Variants in FGFR2 observed in about 807,000 individuals in gnomAD.
The protein encoded by FGFR2 is BEK fibroblast growth factor receptor.
FGFR2 carries 19 observed loss-of-function variants against 95.9 expected under a neutral mutation model. That is an observed-to-expected ratio of 0.20 (90% CI 0.14 to 0.29). FGFR2 has a LOEUF of 0.29. FGFR2 is among the 10% of genes least tolerant of loss of function. The pLI, the probability that FGFR2 is intolerant of heterozygous loss-of-function variation, is 1.00. For missense variants in FGFR2, 707 were observed against 1,056.9 expected (o/e 0.67, Z 4.59); for synonymous variants, 392 against 393.3 (o/e 1.00, Z 0.04).
chr10:121,531,993 C>A lies in FGFR2; in HGVS notation c.748+6599G>T, dbSNP rs767775770. ...CTGTGACCCATTACCTGGCACGCCA[C>A]CCCAATCCCTTCTCAACAGAGGGGC... is the stretch of plus-strand genomic sequence containing the variant. On this transcript the variant is annotated intron_variant, in intron 6 of 17. Transcript: ENST00000358487. The surrounding 1 kb of genome is among the most constrained non-coding windows in gnomAD (Gnocchi z 4.5). Among the ~76,000 whole-genome samples the A allele has an allele frequency of 6.6e-6, 1 of 152,352 alleles. No individual in the cohort carries two copies. Among genetic ancestry groups the A allele is most frequent in the African/African-American group, 2.4e-5 (1 of 41,588 alleles).
At chr10:121,543,928 A>C (rs1359142687) in intron 5 of FGFR2, among the ~76,000 whole-genome samples, 1 of 152,162 alleles carries the variant, frequency 6.6e-6, no homozygotes, top group African/African-American at 2.4e-5. Flanking sequence ...CAGGACATCC[A>C]CCGCCTGTTG....
At chr10:121,519,727 T>G (rs138649930) in intron 7 of FGFR2, among the ~76,000 whole-genome samples, 1 of 152,358 alleles carries the variant, frequency 6.6e-6, no homozygotes, top group African/African-American at 2.4e-5. Flanking sequence ...GGCTGATAAA[T>G]AGCTGAACTA....
intron 9 of FGFR2, among the ~76,000 whole-genome samples, chr10:121,505,382 T>A (rs1182489756): frequency 6.6e-6 from 1 of 152,240 alleles, no homozygotes. Flanking sequence ...ACATGAGCAC[T>A]TCCTGAGCCT....
upstream of FGFR2, chr10:121,598,449 A>AGCCGCCGCCCGCGCCGCC (rs1554871807): frequency 1.4e-4 from 23 of 159,720 alleles, no homozygotes; most frequent in Admixed American, 9.9e-4. Flanking sequence ...GCTCTCCTCC[A>AGCCGCCGCCCGCGCCGCC]GCCGCCGCCC....
chr10:121,513,120 C>T (rs1030455682), intron 9 of FGFR2, among the ~76,000 whole-genome samples: 20 of 152,278 alleles, frequency 1.3e-4, no homozygotes, highest in South Asian at 4.1e-4. Context: ...GTGATCCACG[C>T]GCCTCAGCCT....
intron 2 of FGFR2, among the ~76,000 whole-genome samples, chr10:121,582,000 T>C (rs1861003900): frequency 6.6e-6 from 1 of 151,960 alleles, no homozygotes; most frequent in Admixed American, 6.5e-5. Flanking sequence ...TGGCGTGATC[T>C]CAGCTTACTG....
intron 2 of FGFR2, among the ~76,000 whole-genome samples, chr10:121,570,701 C>T (rs1474713616): frequency 6.6e-6 from 1 of 152,222 alleles, no homozygotes; most frequent in Non-Finnish European, 1.5e-5. Flanking sequence ...GAGGCTTCCA[C>T]AGACAGAGAA....
chr10:121,492,502 A>G (rs1168360563), intron 13 of FGFR2, among the ~76,000 whole-genome samples: 1 of 152,156 alleles, frequency 6.6e-6, no homozygotes, highest in Non-Finnish European at 1.5e-5. Context: ...GCACAGATGA[A>G]CCCAGTACAT....
rs972825163 is a variant in FGFR2 at position 121,517,802 on chromosome 10, C to A, written c.940-339G>T. Among the ~76,000 whole-genome samples, 3 of 152,074 alleles carry A rather than the reference C, an allele frequency of 2.0e-5. No individual in the cohort carries two copies. Among genetic ancestry groups the A allele is most frequent in the African/African-American group, 7.2e-5 (3 of 41,394 alleles). On this transcript the variant is annotated intron_variant, in intron 7 of 17. Coordinates refer to ENST00000358487, the MANE Select transcript of FGFR2 (RefSeq NM_000141.5). The surrounding 1 kb of genome is among the most constrained non-coding windows in gnomAD (Gnocchi z 4.7). ...AAAGTATGGTGCCCAGAAGGCCAAG[C>A]TGGTTCTGGTCCTGTTGGCTGCAGA...
At chr10:121,524,942 C>G (rs1851155755) in intron 6 of FGFR2, among the ~76,000 whole-genome samples, 1 of 152,204 alleles carries the variant, frequency 6.6e-6, no homozygotes, top group Non-Finnish European at 1.5e-5. Flanking sequence ...GAGACTAAAG[C>G]CCAGTGCTAG....
chr10:121,490,104 G>A (rs1352576391), intron 13 of FGFR2, among the ~76,000 whole-genome samples: 2 of 148,948 alleles, frequency 1.3e-5, no homozygotes, highest in Non-Finnish European at 3.0e-5. Flanking sequence ...TTATTGTCTT[G>A]ACACTAACTC....
At chr10:121,538,823 A>G in intron 5 of FGFR2, 108 bp from the exon 6 acceptor site, 1 of 1,392,720 alleles carries the variant, frequency 7.2e-7, no homozygotes, top group South Asian at 1.2e-5. Context: ...AAAGGTATGG[A>G]AGAATCACCT....
chr10:121,545,732 A>T (rs972189630), intron 5 of FGFR2, among the ~76,000 whole-genome samples: 6 of 152,268 alleles, frequency 3.9e-5, no homozygotes, highest in Non-Finnish European at 8.8e-5. Context: ...TTAAAATGAC[A>T]TCTAAGTAAC....
intron 10 of FGFR2, among the ~76,000 whole-genome samples, chr10:121,501,692 A>G (rs1315264742): frequency 1.3e-5 from 2 of 152,210 alleles, no homozygotes; most frequent in Non-Finnish European, 2.9e-5. Flanking sequence ...CTTAAGCATA[A>G]CACAGCAAAG....
chr10:121,517,179 C>T lies in FGFR2; in HGVS notation c.1084+140G>A. 1 of 935,768 alleles carries T rather than the reference C, an allele frequency of 1.1e-6. No individual in the cohort carries two copies. The highest frequency in any genetic ancestry group is 1.4e-5 in the South Asian group (1 of 71,138). 58.0% of individuals were successfully genotyped at this position (935,768 alleles called of 1,614,324 possible). On this transcript the variant is annotated intron_variant, in intron 8 of 17. Transcript: ENST00000358487. This position sits in a 1 kb window ranked among gnomAD's most constrained non-coding sequence, Gnocchi z 4.7. ...GAATTTCCAAGGCAGTTTTCTTATCCCTGAGGGATCATTTTTAACATTTTT... is the reference window on the plus strand; with the variant it reads ...GAATTTCCAAGGCAGTTTTCTTATCTCTGAGGGATCATTTTTAACATTTTT...
intron 6 of FGFR2, among the ~76,000 whole-genome samples, chr10:121,524,290 C>T (rs2134381588): frequency 6.6e-6 from 1 of 152,308 alleles, no homozygotes; most frequent in East Asian, 1.9e-4. Flanking sequence ...TCCCCCTCCG[C>T]CCTTTCTCAC....
intron 6 of FGFR2, among the ~76,000 whole-genome samples, chr10:121,536,368 G>A (rs974828245): frequency 1.3e-5 from 2 of 152,130 alleles, no homozygotes; most frequent in Non-Finnish European, 2.9e-5. Context: ...AAAATTATTG[G>A]AGTTGAGCTT....
intron 9 of FGFR2, among the ~76,000 whole-genome samples, chr10:121,510,302 G>A (rs571845065): frequency 6.6e-6 from 1 of 152,150 alleles, no homozygotes; most frequent in Non-Finnish European, 1.5e-5. Context: ...TCGAGAGATC[G>A]CATCAGCCAA....
At chr10:121,506,214 C>T (rs1210815788) in intron 9 of FGFR2, among the ~76,000 whole-genome samples, 1 of 151,794 alleles carries the variant, frequency 6.6e-6, no homozygotes, top group African/African-American at 2.4e-5. Context: ...AAAAATGAGT[C>T]GGTTGTGGTG....
Sources: allele counts gnomAD v4.1 joint callset (sites outside exome capture counted in the v4.1 genomes callset), GRCh38; gene constraint gnomAD v4.1.1; non-coding constraint Gnocchi (gnomAD v3.1); transcripts MANE v1.5; gene names NCBI Gene and HGNC (gene_info 2026-07-23, HGNC 2026-07-21).